The following PSORS1C1 variants were observed in gnomAD, a reference collection of about 807,000 sequenced individuals.
The protein encoded by PSORS1C1 is psoriasis susceptibility 1 candidate gene 1 protein.
In PSORS1C1, 7 loss-of-function variants were observed where a neutral mutation model predicts 9.4. That is an observed-to-expected ratio of 0.75 (90% CI 0.42 to 1.40). The LOEUF is 1.40. PSORS1C1 is among the 40% of genes most tolerant of loss of function. PSORS1C1 has a pLI of 0.01. For synonymous variants in PSORS1C1, 63 were observed against 69.4 expected (o/e 0.91, Z 0.46); for missense variants, 146 against 178.1 (o/e 0.82, Z 1.02).
At position 31,115,616 on chromosome 6, in the gene PSORS1C1, G is replaced by A. The variant is rs1168052343; in HGVS notation, c.-229+725G>A. 4.6e-6 allele frequency: 1 copy of A among 215,480 alleles called. No individual in the cohort carries two copies. Among genetic ancestry groups the A allele is most frequent in the African/African-American group, 2.3e-5 (1 of 43,808 alleles). 13.3% of individuals were successfully genotyped at this position (215,480 alleles called of 1,614,324 possible). On this transcript the variant is annotated intron_variant, in intron 1 of 5. Coordinates refer to ENST00000259881, the MANE Select transcript of PSORS1C1 (RefSeq NM_014068.3). The surrounding 1 kb of genome is among the most constrained non-coding windows in gnomAD (Gnocchi z 4.2). ...TGACTTTGCTTTATTTGGTAAAGGGGAAGAGGAAGGTATAACTTCTTCAGG... is the reference window on the plus strand; with the variant it reads ...TGACTTTGCTTTATTTGGTAAAGGGAAAGAGGAAGGTATAACTTCTTCAGG...
chr6:31,127,821 A>G (rs1322613553), intron 2 of PSORS1C1, among the ~76,000 whole-genome samples: 1 of 144,782 alleles, frequency 6.9e-6, no homozygotes, highest in Non-Finnish European at 1.5e-5. Context: ...TCTCAAAAAA[A>G]CACACATACA....
chr6:31,117,273 C>T, intron 1 of PSORS1C1: 1 of 1,606,180 alleles, frequency 6.2e-7, no homozygotes, highest in Non-Finnish European at 8.5e-7. Flanking sequence ...AGTAGCTGAC[C>T]TGGGAATACC....
At chr6:31,117,598 T>C in intron 1 of PSORS1C1, 1 of 1,371,102 alleles carries the variant, frequency 7.3e-7, no homozygotes, top group Non-Finnish European at 1.0e-6. Context: ...TTCTGCCTTA[T>C]CTCAGTCATC....
At chr6:31,138,246 C>T (rs1301673011) in intron 3 of PSORS1C1, 184 bp from the exon 4 acceptor site, 12 of 1,567,156 alleles carry the variant, frequency 7.7e-6, no homozygotes, top group African/African-American at 2.7e-5. Context: ...TGTTGGGGAG[C>T]CTGCCTCCTC....
At chr6:31,138,110 A>G (rs541992304) in intron 3 of PSORS1C1, 7 of 1,603,398 alleles carry the variant, frequency 4.4e-6, no homozygotes, top group Non-Finnish European at 6.0e-6. Context: ...TAGGCGGTTC[A>G]GGGAGCCAGA....
Position 31,138,745 on chromosome 6 carries a change from C to A in PSORS1C1, c.133C>A (p.Arg45=). ...ETRPPHVNPD[R]LCHMEPANHF... ...TCGTCCCCCCCACGTTAATCCTGAC[C>A]GACTTTGCCACATGGAGCCAGCAAA... Residue 45 remains arginine (R), a synonymous_variant, in exon 5 of 6, where the codon CGA becomes AGA. Transcript: ENST00000259881. 4.3e-6 allele frequency: 7 copies of A among 1,614,094 alleles called. No homozygotes were observed. Among genetic ancestry groups the A allele is most frequent in the Non-Finnish European group, 5.9e-6 (7 of 1,180,012 alleles).
rs545243512 is a variant in PSORS1C1, at chr6:31,120,465, G to A, written c.-228-5211G>A. 10 of 1,451,312 alleles carry A rather than the reference G, an allele frequency of 6.9e-6. No homozygotes were observed. In the East Asian group the frequency reaches 9.9e-5, roughly 14 times the overall value. The allele number at this position is 1,451,312 out of a possible 1,614,324, so 89.9% of individuals were successfully genotyped here. A position where few individuals can be genotyped will look rare whatever the true frequency, so the allele number is the denominator to read the frequency against. ...GACTGATGGCAGCTCAAGGACACCC[G>A]GGTCCTTTATGCCAGAGCTGGACAT... On this transcript the variant is annotated intron_variant, in intron 1 of 5. Coordinates refer to ENST00000259881, the MANE Select transcript of PSORS1C1 (RefSeq NM_014068.3).
chr6:31,138,485 G>C (rs1773276543), intron 4 of PSORS1C1, 26 bp downstream of exon 4: 1 of 1,611,630 alleles, frequency 6.2e-7, no homozygotes, highest in Non-Finnish European at 8.5e-7. Flanking sequence ...CTTAACTGAT[G>C]GTAAAATGTC....
intron 3 of PSORS1C1, among the ~76,000 whole-genome samples, chr6:31,133,366 CCAGACA>C (rs1773003553): frequency 1.6e-5 from 2 of 126,098 alleles, no homozygotes; most frequent in Non-Finnish European, 3.3e-5. Flanking sequence ...GACGGCCATT[CCAGACA>C]TAGGGAACAG....
rs772821853 is a variant in PSORS1C1, at chr6:31,139,012, C to T, written c.167+233C>T. 6.2e-7 allele frequency: 1 copy of T among 1,614,098 alleles called. No individual in the cohort carries two copies. The highest frequency in any genetic ancestry group is 1.7e-5 in the Admixed American group (1 of 60,014). The stretch of plus-strand genomic sequence containing the variant: ...AAAGGACCAGGATCCCCAGGAGCTT[C>T]CAGTTGAGGATCATGGCTATGTACT... On this transcript the variant is annotated intron_variant, in intron 5 of 5. Transcript: ENST00000259881. The surrounding 1 kb of genome is among the most constrained non-coding windows in gnomAD (Gnocchi z 5.2).
chr6:31,117,766 A>G (rs1772246936), intron 1 of PSORS1C1: 1 of 568,064 alleles, frequency 1.8e-6, no homozygotes, highest in Non-Finnish European at 3.2e-6. Flanking sequence ...AAAATAGAAA[A>G]TTAGGTGCCA....
At chr6:31,122,855 C>A (rs1203102351) in intron 1 of PSORS1C1, among the ~76,000 whole-genome samples, 2 of 152,060 alleles carry the variant, frequency 1.3e-5, no homozygotes, top group Non-Finnish European at 2.9e-5. Context: ...GGCTTGGCTC[C>A]CTGGAGGACC....
intron 2 of PSORS1C1, among the ~76,000 whole-genome samples, chr6:31,127,591 T>TATTATTATTATTATTA (rs1562764785): frequency 4.7e-5 from 7 of 148,766 alleles, no homozygotes; most frequent in South Asian, 2.1e-4. Context: ...TTATTATTAT[T>TATTATTATTATTATTA]TTGAGATGGA....
chr6:31,121,771 A>G (rs1056703471), intron 1 of PSORS1C1, among the ~76,000 whole-genome samples: 1 of 152,216 alleles, frequency 6.6e-6, no homozygotes, highest in African/African-American at 2.4e-5. Context: ...CCGCCCTTTA[A>G]GTTCAGACCA....
At chr6:31,138,363 A>AACCC in intron 3 of PSORS1C1, 67 bp from the exon 4 acceptor site, 2 of 912,222 alleles carry the variant, frequency 2.2e-6, no homozygotes, top group Non-Finnish European at 3.4e-6. Flanking sequence ...CCCCAGCCCC[A>AACCC]CCCAGCCCCA....
chr6:31,115,838 G>A lies in PSORS1C1; in HGVS notation c.-229+947G>A, dbSNP rs1220975350. ...AGCTTTGAATCTACCATTTTGAGAAGAGGAAGGAGGAAGGGGTGATAAGAG... is the reference window on the plus strand; with the variant it reads ...AGCTTTGAATCTACCATTTTGAGAAAAGGAAGGAGGAAGGGGTGATAAGAG... On this transcript the variant is annotated intron_variant, in intron 1 of 5. Coordinates refer to ENST00000259881, the MANE Select transcript of PSORS1C1 (RefSeq NM_014068.3). This position sits in a 1 kb window ranked among gnomAD's most constrained non-coding sequence, Gnocchi z 4.2. The A allele has an allele frequency of 8.4e-6, 5 of 595,116 alleles. No homozygotes were observed. Among genetic ancestry groups the A allele is most frequent in the Non-Finnish European group, 1.5e-5 (5 of 332,974 alleles). The allele number at this position is 595,116 out of a possible 1,614,324, so 36.9% of individuals were successfully genotyped here.
intron 1 of PSORS1C1, among the ~76,000 whole-genome samples, chr6:31,124,012 G>A (rs528176861): frequency 1.1e-4 from 16 of 152,294 alleles, no homozygotes; most frequent in African/African-American, 3.1e-4. Context: ...TAGAACCAGC[G>A]GATGGCGTGG....
chr6:31,129,610 G>T lies in PSORS1C1; in HGVS notation c.-23G>T, dbSNP rs1562766546. On this transcript the variant is annotated 5_prime_UTR_variant, in exon 3 of 6. Transcript: ENST00000259881. ...TTGCAGCCAGGCAGTCCTCCATCCA[G>T]TCTTGACTTTGGCACTTGTGATATG... 1 of 779,890 alleles carries T rather than the reference G, an allele frequency of 1.3e-6. No homozygotes were observed. The highest frequency in any genetic ancestry group is 2.4e-6 in the Non-Finnish European group (1 of 418,092). The allele number at this position is 779,890 out of a possible 1,614,324, so 48.3% of individuals were successfully genotyped here.
chr6:31,138,136 G>C, intron 3 of PSORS1C1: 1 of 1,606,212 alleles, frequency 6.2e-7, no homozygotes, highest in Non-Finnish European at 8.5e-7. Flanking sequence ...GTTTCAGGCA[G>C]GTCTCTCCAG....
Sources: allele counts gnomAD v4.1 joint callset (sites outside exome capture counted in the v4.1 genomes callset), GRCh38; gene constraint gnomAD v4.1.1; non-coding constraint Gnocchi (gnomAD v3.1); transcripts MANE v1.5; gene names NCBI Gene and HGNC (gene_info 2026-07-23, HGNC 2026-07-21).